CRTC1: variants seen among roughly 807,000 people sequenced by gnomAD.
CRTC1 encodes CREB-regulated transcription coactivator 1.
Under a neutral mutation model 66.1 loss-of-function variants are expected in CRTC1, and 18 were observed. The ratio of observed to expected loss-of-function variants is 0.27; its 90% confidence interval spans 0.19 to 0.40. The LOEUF (loss-of-function observed/expected upper bound fraction) is 0.40, where lower values mean the gene tolerates loss of function less well. Among genes scored for constraint, CRTC1 ranks in the 10% least tolerant of loss-of-function variants. The pLI is 1.00. For synonymous variants in CRTC1, 416 were observed against 398.8 expected, an observed-to-expected ratio of 1.04 and a Z score of -0.51; for missense variants, 669 against 887.9, an observed-to-expected ratio of 0.75 and a Z score of 3.13.
In CRTC1 at chr19:18,747,060, G is replaced by A. The variant is rs1419877927; in HGVS notation, c.389G>A (p.Ser130Asn). Residue 130 changes from serine to asparagine, a missense_variant, in exon 4 of 14, where the codon AGC (serine) becomes AAC (asparagine). By Grantham distance (46) the Ser-to-Asn change is conservative (BLOSUM62 1). This residue lies in a region of CRTC1 where 214 missense variants were observed against 323.4 expected (regional missense o/e 0.66). Coordinates refer to ENST00000321949, the MANE Select transcript of CRTC1 (RefSeq NM_015321.3). The part of the protein sequence containing the change: ...SVDKHGRQAD[S>N]CPYGTMYLSP... The stretch of plus-strand genomic sequence containing the variant: ...CCCCTTAACTCACCTCACGCCGACA[G>A]CTGCCCCTATGGCACCATGTACCTC... 1 of 1,612,932 alleles carries A rather than the reference G, an allele frequency of 6.2e-7. No homozygotes were observed. The highest frequency in any genetic ancestry group is 1.3e-5 in the African/African-American group (1 of 74,678).
At chr19:18,721,485 A>G (rs1175682609) in intron 1 of CRTC1, among the ~76,000 whole-genome samples, 4 of 113,468 alleles carry the variant, frequency 3.5e-5, no homozygotes, top group South Asian at 2.8e-4. Context: ...GAGCCACCAC[A>G]CCCGGCCTTT....
At chr19:18,715,997 G>A (rs532444727) in intron 1 of CRTC1, among the ~76,000 whole-genome samples, 151 of 151,692 alleles carry the variant, frequency 1.0e-3, no homozygotes, top group Non-Finnish European at 1.9e-3. Context: ...AGCGGTTGGC[G>A]GGGGGGGTGT....
chr19:18,733,861 A>G (rs1335941479), intron 1 of CRTC1, among the ~76,000 whole-genome samples: 3 of 152,202 alleles, frequency 2.0e-5, no homozygotes, highest in African/African-American at 7.2e-5. Flanking sequence ...CCTGCCTGTA[A>G]TCCCAGCACT....
intron 2 of CRTC1, among the ~76,000 whole-genome samples, chr19:18,744,807 G>A (rs954063151): frequency 3.2e-4 from 49 of 152,184 alleles, no homozygotes; most frequent in Non-Finnish European, 4.3e-4. Context: ...ATGCTGGATC[G>A]AAGAAAGACT....
chr19:18,778,052 C>G lies in CRTC1; in HGVS notation c.*670C>G, dbSNP rs569626159. On this transcript the variant is annotated 3_prime_UTR_variant, in exon 14 of 14. Coordinates refer to ENST00000321949, the MANE Select transcript of CRTC1 (RefSeq NM_015321.3). ...GGGCGGCGGACCCCCCCACGACCCT[C>G]CTCGCCCTGTCTCCATCCCCTCGAA... 1.7e-5 allele frequency: 4 copies of G among 233,712 alleles called. No homozygotes were observed. In the East Asian group the frequency reaches 2.4e-4, roughly 14 times the overall value. The allele number at this position is 233,712 out of a possible 1,614,324, so 14.5% of individuals were successfully genotyped here.
At chr19:18,757,692 G>A (rs1268130399) in intron 6 of CRTC1, among the ~76,000 whole-genome samples, 1 of 151,954 alleles carries the variant, frequency 6.6e-6, no homozygotes, top group Non-Finnish European at 1.5e-5. Context: ...TGGACAACAC[G>A]GTGAGCCTCA....
chr19:18,765,231 G>A lies in CRTC1; in HGVS notation c.887-173G>A, dbSNP rs968327536. The stretch of plus-strand genomic sequence containing the variant: ...CTCTGCAGGACTGTGGGACCCTCGG[G>A]TCAGGAATCAGGGCCTTCGGGGGGT... On this transcript the variant is annotated intron_variant, in intron 8 of 13. Coordinates refer to ENST00000321949, the MANE Select transcript of CRTC1 (RefSeq NM_015321.3). Among the ~76,000 whole-genome samples, 5 of 152,250 alleles carry A rather than the reference G, an allele frequency of 3.3e-5. No individual in the cohort carries two copies. The East Asian group carries it at 7.7e-4, about 23-fold the overall frequency.
rs914215738 is a variant in CRTC1, at chr19:18,734,873, G to A, written c.127-8037G>A. 9.2e-5 allele frequency among the ~76,000 whole-genome samples: 14 copies of A among 152,238 alleles called. 1 individual carries two copies. In the South Asian group the frequency reaches 2.1e-3, roughly 23 times the overall value. ...TCACTAGCCTCTCCTGTTCCCCTGG[G>A]ACCCAGTGCCTGGAGGTGGGCAGCA... On this transcript the variant is annotated intron_variant, in intron 1 of 13. Coordinates refer to ENST00000321949, the MANE Select transcript of CRTC1 (RefSeq NM_015321.3).
chr19:18,777,728 G>A lies in CRTC1; in HGVS notation c.*346G>A, dbSNP rs980341328. 15 of 364,240 alleles carry A rather than the reference G, an allele frequency of 4.1e-5. No homozygotes were observed. In the Admixed American group the frequency reaches 4.6e-4, roughly 11 times the overall value. The allele number at this position is 364,240 out of a possible 1,614,324, so 22.6% of individuals were successfully genotyped here. On this transcript the variant is annotated 3_prime_UTR_variant, in exon 14 of 14. Transcript: ENST00000321949. The surrounding 1 kb of genome is among the most constrained non-coding windows in gnomAD (Gnocchi z 5.5). ...GGGAAGTGTCAGCTCCCGGCGTGGC[G>A]GGCAGGCTCAGGGGAGGGGCGCGCA...
chr19:18,708,866 C>A (rs1298422001), intron 1 of CRTC1, among the ~76,000 whole-genome samples: 3 of 152,202 alleles, frequency 2.0e-5, no homozygotes, highest in Admixed American at 1.3e-4. Context: ...CCACCCTGCC[C>A]ACGCCGTGGC....
In CRTC1 at chr19:18,742,378, G is replaced by A. The variant is rs554260446; in HGVS notation, c.127-532G>A. ...CAGGACCCTCTAGAACTCAAGCTGG[G>A]TCTGGGGGACTGACTTGGCTGCCCT... On this transcript the variant is annotated intron_variant, in intron 1 of 13. Transcript: ENST00000321949. Among the ~76,000 whole-genome samples, 4 of 152,328 alleles carry A rather than the reference G, an allele frequency of 2.6e-5. No homozygotes were observed. In the East Asian group the frequency reaches 7.7e-4, roughly 29 times the overall value.
Position 18,774,897 on chromosome 19 carries a change from C to T in CRTC1, c.1426-3C>T, listed in dbSNP as rs1408138560. On this transcript the variant is annotated splice_polypyrimidine_tract_variant and splice_region_variant and intron_variant, in intron 11 of 13. Coordinates refer to ENST00000321949, the MANE Select transcript of CRTC1 (RefSeq NM_015321.3). ...CCACAGCAGGCCTCTCTTCTGTCTG[C>T]AGCACACTTCCACCCTGGGCAGCGT... 5 of 1,610,756 alleles carry T rather than the reference C, an allele frequency of 3.1e-6. No individual in the cohort carries two copies. Among genetic ancestry groups the T allele is most frequent in the South Asian group, 1.1e-5 (1 of 91,076 alleles).
At chr19:18,699,726 C>G (rs2053083842) in intron 1 of CRTC1, among the ~76,000 whole-genome samples, 1 of 152,166 alleles carries the variant, frequency 6.6e-6, no homozygotes, top group African/African-American at 2.4e-5. Flanking sequence ...TCGCCTGGCT[C>G]TGGGGGTGAT....
At chr19:18,772,137 T>C (rs1227567169) in intron 11 of CRTC1, among the ~76,000 whole-genome samples, 1 of 152,138 alleles carries the variant, frequency 6.6e-6, no homozygotes, top group Non-Finnish European at 1.5e-5. Flanking sequence ...TGGGTTTTCC[T>C]GTTGCACCCA....
rs1411349259 is a variant in CRTC1, at chr19:18,696,092, G to A, written c.126+12264G>A. ...ATGACTGCTCTGGGCAGCTGGTGGC[G>A]TCCTCCCGGGTTTACAGAGTGGGAG... On this transcript the variant is annotated intron_variant, in intron 1 of 13. Transcript: ENST00000321949. 3.3e-5 allele frequency among the ~76,000 whole-genome samples: 5 copies of A among 152,144 alleles called. No homozygotes were observed. In the East Asian group the frequency reaches 5.8e-4, roughly 18 times the overall value.
chr19:18,749,826 G>A lies in CRTC1; in HGVS notation c.489G>A (p.Thr163=), dbSNP rs371245227. 1.3e-5 allele frequency: 21 copies of A among 1,613,940 alleles called. No individual in the cohort carries two copies. The highest frequency in any genetic ancestry group is 1.7e-5 in the Admixed American group (1 of 60,002). Residue 163 remains threonine (T), a synonymous_variant, in exon 5 of 14, where the codon ACG becomes ACA. Coordinates refer to ENST00000321949, the MANE Select transcript of CRTC1 (RefSeq NM_015321.3). ...TGCACCAGAGCACAATGACGCCCAC[G>A]CAGCCAGAATCCTTTAGCAGTGGGT... ...SALHQSTMTP[T]QPESFSSGSQ...
intron 13 of CRTC1, among the ~76,000 whole-genome samples, chr19:18,776,405 A>G (rs2054989872): frequency 6.6e-6 from 1 of 152,178 alleles, no homozygotes; most frequent in African/African-American, 2.4e-5. Context: ...GAAGAAGATG[A>G]TTCCCTTATG....
chr19:18,777,178 A>T lies in CRTC1; in HGVS notation c.1701A>T (p.Gly567=). 8 of 906,488 alleles carry T rather than the reference A, an allele frequency of 8.8e-6. No individual in the cohort carries two copies. The highest frequency in any genetic ancestry group is 1.3e-5 in the Non-Finnish European group (8 of 606,868). The allele number at this position is 906,488 out of a possible 1,614,324, so 56.2% of individuals were successfully genotyped here. A position where few individuals can be genotyped will look rare whatever the true frequency, so the allele number is the denominator to read the frequency against. Residue 567 remains glycine (G), a synonymous_variant, in exon 14 of 14, where the codon GGA becomes GGT. Coordinates refer to ENST00000321949, the MANE Select transcript of CRTC1 (RefSeq NM_015321.3). The surrounding 1 kb of genome is among the most constrained non-coding windows in gnomAD (Gnocchi z 5.5). ...CCCCACCCCATCCCCCAGTGACAGG[A>T]GAGTCCCCCCCCAGCCTCTCTAAAG... The part of the protein sequence containing the change: ...GIPNIILTVT[G]ESPPSLSKEL...
At chr19:18,769,342 G>A (rs1601004201) in intron 10 of CRTC1, among the ~76,000 whole-genome samples, 2 of 152,360 alleles carry the variant, frequency 1.3e-5, no homozygotes, top group East Asian at 3.9e-4. Context: ...AAACCTTCCT[G>A]ACTGTCCAGA....
Sources: allele counts gnomAD v4.1 joint callset (sites outside exome capture counted in the v4.1 genomes callset), GRCh38; gene constraint gnomAD v4.1.1; regional missense constraint gnomAD v4.1.1; non-coding constraint Gnocchi (gnomAD v3.1); transcripts MANE v1.5; gene names NCBI Gene and HGNC (gene_info 2026-07-23, HGNC 2026-07-21).